The following SLC8A1 variants were observed in gnomAD, a reference collection of about 807,000 sequenced individuals.
SLC8A1 encodes the protein sodium/calcium exchanger 1.
In SLC8A1, 18 loss-of-function variants were observed where a neutral mutation model predicts 68.3. The observed-to-expected ratio is 0.26, with a 90% CI of 0.18 to 0.39. The LOEUF (loss-of-function observed/expected upper bound fraction) is 0.39, where lower values mean the gene tolerates loss of function less well. Ranked by LOEUF, SLC8A1 falls within the 10% of genes least tolerant of loss-of-function variation. SLC8A1 has a pLI of 1.00. For synonymous variants in SLC8A1, 475 were observed against 415.5 expected (o/e 1.14, Z -1.74); for missense variants, 985 against 1,156.7 (o/e 0.85, Z 2.15).
chr2:40,253,185 ATATACACGTATATG>A (rs1307738290), intron 2 of SLC8A1, among the ~76,000 whole-genome samples: 191 of 139,234 alleles, frequency 1.4e-3, no homozygotes, highest in African/African-American at 4.9e-3. Flanking sequence ...AAATATACAT[ATATACACGTATATG>A]TATACACATC....
At chr2:40,305,473 G>C (rs1451348295) in intron 2 of SLC8A1, among the ~76,000 whole-genome samples, 1 of 152,154 alleles carries the variant, frequency 6.6e-6, no homozygotes, top group African/African-American at 2.4e-5. Context: ...TAGGGAGGGA[G>C]ACAAATATAT....
At chr2:40,282,617 G>T (rs2067688042) in intron 2 of SLC8A1, among the ~76,000 whole-genome samples, 1 of 152,286 alleles carries the variant, frequency 6.6e-6, no homozygotes, top group African/African-American at 2.4e-5. Context: ...TTTCATTTTT[G>T]CACGCTCCTT....
intron 2 of SLC8A1, among the ~76,000 whole-genome samples, chr2:40,186,634 T>C (rs1044893922): frequency 6.6e-6 from 1 of 152,156 alleles, no homozygotes; most frequent in Non-Finnish European, 1.5e-5. Context: ...CAGGACTGAA[T>C]CATGACTTAA....
chr2:40,351,950 T>C (rs563898990), intron 2 of SLC8A1, among the ~76,000 whole-genome samples: 67 of 152,320 alleles, frequency 4.4e-4, no homozygotes, highest in Non-Finnish European at 8.1e-4. Flanking sequence ...AAACAGGGTA[T>C]ATGTGCATTC....
chr2:40,409,815 C>T (rs964608840), intron 2 of SLC8A1, among the ~76,000 whole-genome samples: 8 of 152,160 alleles, frequency 5.3e-5, no homozygotes, highest in Admixed American at 4.6e-4. Context: ...TGTAGTCATT[C>T]ATGTGTGGTC....
chr2:40,341,725 G>T (rs1667759073), intron 2 of SLC8A1, among the ~76,000 whole-genome samples: 1 of 152,094 alleles, frequency 6.6e-6, no homozygotes, highest in African/African-American at 2.4e-5. Context: ...ATGAATGCAT[G>T]CTTTTAAACT....
At chr2:40,362,092 A>G (rs1001546077) in intron 2 of SLC8A1, among the ~76,000 whole-genome samples, 1 of 150,764 alleles carries the variant, frequency 6.6e-6, no homozygotes, top group African/African-American at 2.4e-5. Context: ...ATGGGGTTTC[A>G]CCATGTTGGC....
intron 2 of SLC8A1, among the ~76,000 whole-genome samples, chr2:40,395,148 A>G (rs960259037): frequency 6.6e-6 from 1 of 152,188 alleles, no homozygotes; most frequent in African/African-American, 2.4e-5. Flanking sequence ...TAGGGGAACA[A>G]CAACAAAAGC....
intron 2 of SLC8A1, among the ~76,000 whole-genome samples, chr2:40,405,711 T>C (rs1317489567): frequency 6.6e-6 from 1 of 152,220 alleles, no homozygotes; most frequent in Non-Finnish European, 1.5e-5. Context: ...ATGATTTTAA[T>C]GAGTTCCAGT....
At position 40,223,933 on chromosome 2, in the gene SLC8A1, T is replaced by G. The variant is rs140686804; in HGVS notation, c.1809-46078A>C. Among the ~76,000 whole-genome samples, 214 of 152,202 alleles carry G rather than the reference T, an allele frequency of 1.4e-3. 3 individuals are homozygous for G. The highest frequency in any genetic ancestry group is 0.012 in the Admixed American group (177 of 15,278). On this transcript the variant is annotated intron_variant, in intron 2 of 7. Transcript: ENST00000406785. ...GAGCAAGAGGTTTGCCCCATTTCTG[T>G]AACCATCAGAGACAAAGCAGGAGGA...
intron 2 of SLC8A1, among the ~76,000 whole-genome samples, chr2:40,188,735 A>G (rs1169034189): frequency 6.6e-6 from 1 of 152,208 alleles, no homozygotes. Flanking sequence ...CCAGGAAATG[A>G]GCTGGGCTTT....
chr2:40,281,224 T>G (rs927747484), intron 2 of SLC8A1, among the ~76,000 whole-genome samples: 1 of 151,850 alleles, frequency 6.6e-6, no homozygotes, highest in Admixed American at 6.6e-5. Context: ...ATTTCATTCC[T>G]GAGACATTTT....
At chr2:40,312,674 A>G (rs1437803126) in intron 2 of SLC8A1, among the ~76,000 whole-genome samples, 1 of 152,152 alleles carries the variant, frequency 6.6e-6, no homozygotes, top group Non-Finnish European at 1.5e-5. Flanking sequence ...ATTGGAAAAT[A>G]CAAGATAAGA....
chr2:40,479,581 A>C (rs1704501517), intron 1 of SLC8A1, among the ~76,000 whole-genome samples: 1 of 152,152 alleles, frequency 6.6e-6, no homozygotes, highest in South Asian at 2.1e-4. Context: ...GGAAACACAG[A>C]AGTTTCTTAT....
chr2:40,272,487 CT>C (rs2066169653), intron 2 of SLC8A1, among the ~76,000 whole-genome samples: 6 of 152,178 alleles, frequency 3.9e-5, no homozygotes, highest in Admixed American at 3.9e-4. Flanking sequence ...ACAGAAGCTC[CT>C]TAGGTAAACA....
chr2:40,411,073 C>T (rs916149864), intron 2 of SLC8A1, among the ~76,000 whole-genome samples: 6 of 151,910 alleles, frequency 3.9e-5, no homozygotes, highest in Non-Finnish European at 7.4e-5. Context: ...AGTTGTATGG[C>T]ACTAAGACTT....
chr2:40,502,233 A>C (rs374237712), intron 1 of SLC8A1, among the ~76,000 whole-genome samples: 2 of 152,158 alleles, frequency 1.3e-5, no homozygotes, highest in East Asian at 3.9e-4. Context: ...TATTTTCCCA[A>C]TTTAGCTTCC....
chr2:40,252,072 G>T (rs2062846384), intron 2 of SLC8A1, among the ~76,000 whole-genome samples: 1 of 152,276 alleles, frequency 6.6e-6, no homozygotes, highest in South Asian at 2.1e-4. Context: ...TGGTTAATCA[G>T]TGTTGATGGA....
chr2:40,222,445 C>T (rs954059396), intron 2 of SLC8A1, among the ~76,000 whole-genome samples: 20 of 151,912 alleles, frequency 1.3e-4, no homozygotes, highest in Non-Finnish European at 2.2e-4. Flanking sequence ...CTAGGCAATA[C>T]CATTCAGGAC....
Sources: allele counts gnomAD v4.1 joint callset (sites outside exome capture counted in the v4.1 genomes callset), GRCh38; gene constraint gnomAD v4.1.1; transcripts MANE v1.5; gene names NCBI Gene and HGNC (gene_info 2026-07-23, HGNC 2026-07-21).